C1orf105: variants seen among roughly 807,000 people sequenced by gnomAD.
The protein encoded by C1orf105 is chromosome 1 open reading frame 105, also known as uncharacterized protein C1orf105.
C1orf105 carries 17 observed loss-of-function variants against 20.8 expected under a neutral mutation model. That is an observed-to-expected ratio of 0.82 (90% CI 0.56 to 1.23). The LOEUF (loss-of-function observed/expected upper bound fraction) is 1.23, where lower values mean the gene tolerates loss of function less well. Among genes scored for constraint, C1orf105 ranks in the 50% most tolerant of loss-of-function variants. C1orf105 has a pLI of 0.00. For missense variants in C1orf105, 219 were observed against 213.5 expected, an observed-to-expected ratio of 1.03 and a Z score of -0.16; for synonymous variants, 72 against 72.1, an observed-to-expected ratio of 1.00 and a Z score of 0.01.
chr1:172,468,643 G>C lies in C1orf105; in HGVS notation c.*49G>C. The C allele has an allele frequency of 6.4e-7, 1 of 1,559,834 alleles. No homozygotes were observed. ...AGACTCCCAGAGAGAAAATAACCTC[G>C]CCAAGCCAATCTTTGACACTGGCAC... On this transcript the variant is annotated 3_prime_UTR_variant, in exon 7 of 7. Coordinates refer to ENST00000367727, the MANE Select transcript of C1orf105 (RefSeq NM_139240.4).
intron 3 of C1orf105, among the ~76,000 whole-genome samples, chr1:172,456,012 T>C (rs1649194244): frequency 6.6e-6 from 1 of 152,158 alleles, no homozygotes; most frequent in Non-Finnish European, 1.5e-5. Context: ...CCTCAGTCTA[T>C]ATGGTGGAGC....
intron 1 of C1orf105, among the ~76,000 whole-genome samples, chr1:172,434,740 A>G (rs1196042324): frequency 6.6e-6 from 1 of 152,240 alleles, no homozygotes; most frequent in Non-Finnish European, 1.5e-5. Context: ...GCAAGAAATA[A>G]CTAAGATCAG....
At chr1:172,428,923 T>C in intron 1 of C1orf105, 1 of 614,262 alleles carries the variant, frequency 1.6e-6, no homozygotes, top group South Asian at 1.9e-5. Flanking sequence ...GGGAAGCTTA[T>C]GTAGATACTA....
intron 2 of C1orf105, among the ~76,000 whole-genome samples, chr1:172,447,176 A>G (rs1309427187): frequency 6.6e-6 from 1 of 152,246 alleles, no homozygotes; most frequent in East Asian, 1.9e-4. Context: ...CTTTGGGAGA[A>G]AGTTCTCAAT....
At chr1:172,429,902 C>T (rs2071823431) in intron 1 of C1orf105, among the ~76,000 whole-genome samples, 1 of 152,152 alleles carries the variant, frequency 6.6e-6, no homozygotes, top group Non-Finnish European at 1.5e-5. Flanking sequence ...TCCTTGGCAC[C>T]ATTTTGGAAG....
intron 1 of C1orf105, among the ~76,000 whole-genome samples, chr1:172,435,195 T>C (rs1487639372): frequency 6.6e-6 from 1 of 152,218 alleles, no homozygotes; most frequent in Non-Finnish European, 1.5e-5. Context: ...CCATTCCTTC[T>C]GAAACTATTC....
chr1:172,425,795 A>T (rs2071707663), intron 1 of C1orf105, among the ~76,000 whole-genome samples: 1 of 152,172 alleles, frequency 6.6e-6, no homozygotes, highest in African/African-American at 2.4e-5. Context: ...GAGCAATAAT[A>T]TGCTCATGAG....
intron 6 of C1orf105, 48 bp from the exon 7 acceptor site, chr1:172,468,401 G>T (rs778179049): frequency 9.8e-6 from 14 of 1,424,190 alleles, no homozygotes; most frequent in South Asian, 1.7e-5. Flanking sequence ...TTTAAGAATA[G>T]AATCTAAGTA....
At chr1:172,462,279 A>G (rs1649754943) in intron 5 of C1orf105, 34 bp downstream of exon 5, 1 of 1,485,864 alleles carries the variant, frequency 6.7e-7, no homozygotes, top group African/African-American at 1.4e-5. Flanking sequence ...ACATGACTTA[A>G]TTCTTGTTAT....
At chr1:172,451,766 A>G (rs1648665703) in intron 3 of C1orf105, among the ~76,000 whole-genome samples, 1 of 151,436 alleles carries the variant, frequency 6.6e-6, no homozygotes, top group African/African-American at 2.4e-5. Context: ...TAGAAGGAAC[A>G]TGTGTAATAT....
chr1:172,430,991 ATG>A, intron 1 of C1orf105: 64 of 513,336 alleles, frequency 1.2e-4, no homozygotes, highest in South Asian at 3.7e-4. Flanking sequence ...CTTAGTGGAT[ATG>A]TGTGTGTGTT....
At chr1:172,461,497 TAAAAG>T (rs761431009) in intron 4 of C1orf105, among the ~76,000 whole-genome samples, 10 of 152,170 alleles carry the variant, frequency 6.6e-5, no homozygotes, top group Admixed American at 1.3e-4. Flanking sequence ...AAAACATTCT[TAAAAG>T]AAAACCAACA....
intron 1 of C1orf105, among the ~76,000 whole-genome samples, chr1:172,444,630 A>C (rs1437557988): frequency 6.6e-6 from 1 of 152,262 alleles, no homozygotes; most frequent in African/African-American, 2.4e-5. Flanking sequence ...AAGTAGATGA[A>C]CAGAGATCAA....
At chr1:172,428,929 T>C (rs2071791177) in intron 1 of C1orf105, 1 of 601,080 alleles carries the variant, frequency 1.7e-6, no homozygotes, top group Non-Finnish European at 2.9e-6. Context: ...CTTATGTAGA[T>C]ACTAAATATT....
intron 1 of C1orf105, chr1:172,444,069 TGG>T (rs1647682246): frequency 1.0e-6 from 1 of 998,656 alleles, no homozygotes; most frequent in Non-Finnish European, 1.2e-6. Context: ...GCTGCGACTG[TGG>T]CCAAGCACTT....
intron 3 of C1orf105, among the ~76,000 whole-genome samples, chr1:172,450,062 G>A (rs1025984649): frequency 6.6e-6 from 1 of 152,184 alleles, no homozygotes; most frequent in Non-Finnish European, 1.5e-5. Flanking sequence ...AGGGTATAGC[G>A]GTTTTTGTGG....
chr1:172,445,130 A>G lies in C1orf105; in HGVS notation c.79A>G (p.Lys27Glu). ...PWLSEASLVN[K>E]PLVLSLPRRY... ...GCTTAGTGAGGCCAGCCTTGTAAAC[A>G]AGCCATTAGTGCTCAGCCTTCCCAG... Residue 27 changes from lysine to glutamate, a missense_variant, in exon 2 of 7, where the codon AAG becomes GAG. By Grantham distance (56) the Lys-to-Glu change is moderately conservative. Transcript: ENST00000367727. 6.2e-7 allele frequency: 1 copy of G among 1,613,362 alleles called. No homozygotes were observed. Among genetic ancestry groups the G allele is most frequent in the Non-Finnish European group, 8.5e-7 (1 of 1,179,740 alleles).
rs1194692842 is a variant in C1orf105 at position 172,468,522 on chromosome 1, CA to C, written c.484del (p.Thr162LeufsTer2). 1.9e-6 allele frequency: 3 copies of C among 1,613,954 alleles called. No homozygotes were observed. Among genetic ancestry groups the C allele is most frequent in the Admixed American group, 3.3e-5 (2 of 60,012 alleles). On this transcript the variant is annotated frameshift_variant, in exon 7 of 7. Coordinates refer to ENST00000367727, the MANE Select transcript of C1orf105 (RefSeq NM_139240.4). LOFTEE classifies it low-confidence loss of function (END_TRUNC). The stretch of plus-strand genomic sequence containing the variant: ...TCCACGGATTACTGACAGAGGCCTA[CA>C]AAACTCTAAAAGAGAGACAACGTTC... ...VFHGLLTEAYKTLKERQRSSL... is the reference protein window; with the variant it reads ...VFHGLLTEAYXTLKERQRSSL...
In C1orf105 at chr1:172,448,386, T is replaced by TA; in HGVS notation, c.108-55_108-54insA. 3 of 1,201,082 alleles carry TA rather than the reference T, an allele frequency of 2.5e-6. No homozygotes were observed. The South Asian group carries it at 3.8e-5, about 15-fold the overall frequency. The allele number at this position is 1,201,082 out of a possible 1,614,324, so 74.4% of individuals were successfully genotyped here. A position where few individuals can be genotyped will look rare whatever the true frequency, so the allele number is the denominator to read the frequency against. On this transcript the variant is annotated intron_variant, in intron 2 of 6. Transcript: ENST00000367727. ...ATTCTCTCAGAAACAACCAAGGGCC[T>TA]GGCTCTTCAAACATGGGACTGCGGT...
Sources: allele counts gnomAD v4.1 joint callset (sites outside exome capture counted in the v4.1 genomes callset), GRCh38; gene constraint gnomAD v4.1.1; transcripts MANE v1.5; gene names NCBI Gene and HGNC (gene_info 2026-07-23, HGNC 2026-07-21).